The following CSMD3 variants were observed in gnomAD, a reference collection of about 807,000 sequenced individuals.
CSMD3 encodes the protein CUB and Sushi multiple domains 3.
Under a neutral mutation model 435.2 loss-of-function variants are expected in CSMD3, and 177 were observed. The ratio of observed to expected loss-of-function variants is 0.41; its 90% CI spans 0.36 to 0.46. CSMD3 has a LOEUF of 0.46. CSMD3 is among the 20% of genes least tolerant of loss of function. CSMD3 has a pLI of 0.34. For missense variants in CSMD3, 4,265 were observed against 4,504.6 expected, an observed-to-expected ratio of 0.95 and a Z score of 1.52; for synonymous variants, 1,656 against 1,520.5, an observed-to-expected ratio of 1.09 and a Z score of -2.07.
At chr8:112,809,215 T>A (rs1464257675) in intron 12 of CSMD3, among the ~76,000 whole-genome samples, 1 of 152,098 alleles carries the variant, frequency 6.6e-6, no homozygotes, top group Non-Finnish European at 1.5e-5. Context: ...CACAAAACCA[T>A]AAGGACCTGG....
rs191808167 is a variant in CSMD3, at chr8:112,313,312, G to A, written c.7696+594C>T. Reference sequence around the variant, plus strand: ...ACAAAACGCTTCCGTTTTTAAAAACGGAAGGTTTGTAAATGATGTGTTACT... The same window carrying A: ...ACAAAACGCTTCCGTTTTTAAAAACAGAAGGTTTGTAAATGATGTGTTACT... On this transcript the variant is annotated intron_variant, in intron 49 of 70. Coordinates refer to ENST00000297405, the MANE Select transcript of CSMD3 (RefSeq NM_198123.2). Among the ~76,000 whole-genome samples the A allele has an allele frequency of 1.2e-3, 176 of 152,152 alleles. 1 individual carries two copies. Among genetic ancestry groups the A allele is most frequent in the African/African-American group, 3.9e-3 (163 of 41,526 alleles).
intron 1 of CSMD3, among the ~76,000 whole-genome samples, chr8:113,356,790 T>C (rs2094232116): frequency 6.6e-6 from 1 of 152,142 alleles, no homozygotes; most frequent in Non-Finnish European, 1.5e-5. Context: ...TGAAAGCTAA[T>C]GACATCTACT....
At chr8:112,689,833 A>G (rs751878798) in intron 14 of CSMD3, 35 bp downstream of exon 14, 5 of 1,577,390 alleles carry the variant, frequency 3.2e-6, no homozygotes, top group Middle Eastern at 3.3e-4. Context: ...ACAGGGTAAC[A>G]TATGCTATCT....
chr8:112,306,474 G>A (rs982405534), intron 50 of CSMD3, among the ~76,000 whole-genome samples: 5 of 152,138 alleles, frequency 3.3e-5, no homozygotes, highest in African/African-American at 4.8e-5. Context: ...ATGGTTATCA[G>A]CATTTGTATG....
chr8:112,362,302 A>G (rs1381237519), intron 38 of CSMD3, among the ~76,000 whole-genome samples: 1 of 151,990 alleles, frequency 6.6e-6, no homozygotes, highest in Non-Finnish European at 1.5e-5. Flanking sequence ...TCTGACTATC[A>G]TCACTGATGG....
chr8:112,740,020 T>C (rs1197899241), intron 13 of CSMD3, among the ~76,000 whole-genome samples: 1 of 151,772 alleles, frequency 6.6e-6, no homozygotes, highest in Non-Finnish European at 1.5e-5. Flanking sequence ...CTAATGCTGA[T>C]ATCAATGGGC....
intron 61 of CSMD3, chr8:112,255,983 A>T (rs1293691510): frequency 6.5e-6 from 1 of 152,724 alleles, no homozygotes; most frequent in East Asian, 1.9e-4. Flanking sequence ...AGCATTTTTT[A>T]AAAGAAAAGA....
intron 4 of CSMD3, among the ~76,000 whole-genome samples, chr8:113,127,717 A>T (rs1019559037): frequency 1.2e-4 from 18 of 152,068 alleles, no homozygotes; most frequent in African/African-American, 3.4e-4. Context: ...AAAAATAAAA[A>T]TTCTAAGCAT....
At chr8:112,800,021 AT>A (rs2078924334) in intron 13 of CSMD3, 140 bp downstream of exon 13, 1 of 664,740 alleles carries the variant, frequency 1.5e-6, no homozygotes, top group Non-Finnish European at 2.7e-6. Context: ...TTGTAGTTAA[AT>A]TAAGGAGGAA....
At chr8:112,934,933 T>A (rs928126951) in intron 9 of CSMD3, among the ~76,000 whole-genome samples, 3 of 152,186 alleles carry the variant, frequency 2.0e-5, no homozygotes, top group African/African-American at 7.2e-5. Context: ...TTTCTGATTT[T>A]GTTTTTTTGC....
At chr8:113,393,759 T>C (rs1016533165) in intron 1 of CSMD3, among the ~76,000 whole-genome samples, 1 of 152,104 alleles carries the variant, frequency 6.6e-6, no homozygotes, top group Non-Finnish European at 1.5e-5. Flanking sequence ...ACATGGACAT[T>C]GGAAGGAACT....
At chr8:112,818,401 C>A (rs2132422319) in intron 12 of CSMD3, among the ~76,000 whole-genome samples, 1 of 152,142 alleles carries the variant, frequency 6.6e-6, no homozygotes, top group South Asian at 2.1e-4. Context: ...GCTATTCAAT[C>A]TTTTTAAATC....
chr8:112,558,076 T>C (rs1433399907), intron 24 of CSMD3, among the ~76,000 whole-genome samples: 1 of 151,878 alleles, frequency 6.6e-6, no homozygotes, highest in Non-Finnish European at 1.5e-5. Context: ...CTCCAAAGTA[T>C]GGCACTTTGG....
chr8:112,324,582 G>GGGGT (rs1823318423), intron 45 of CSMD3, among the ~76,000 whole-genome samples: 2 of 149,270 alleles, frequency 1.3e-5, no homozygotes, highest in African/African-American at 4.9e-5. Flanking sequence ...TGTGTGTGTG[G>GGGGT]GTGTGTGTGT....
chr8:112,648,218 G>A (rs965532260), intron 19 of CSMD3, among the ~76,000 whole-genome samples: 1 of 152,116 alleles, frequency 6.6e-6, no homozygotes, highest in Admixed American at 6.6e-5. Flanking sequence ...TTAAAGGAAA[G>A]GTCTGATCAA....
At position 112,650,307 on chromosome 8, in the gene CSMD3, G is replaced by A. The variant is rs2131633199; in HGVS notation, c.3047C>T (p.Pro1016Leu). ...NTYSCLDPGI[P>L]VHGRRYGHDF... ...ATGACCATAGCGACGGCCATGTACA[G>A]GTATGCCAGGGTCCAAACAAGAATA... Residue 1016 changes from proline to leucine, a missense_variant, in exon 19 of 71, where the codon CCT (proline) becomes CTT (leucine). Coordinates refer to ENST00000297405, the MANE Select transcript of CSMD3 (RefSeq NM_198123.2). 1 of 1,613,816 alleles carries A rather than the reference G, an allele frequency of 6.2e-7. No homozygotes were observed. Among genetic ancestry groups the A allele is most frequent in the East Asian group, 2.2e-5 (1 of 44,836 alleles).
rs138171023 is a variant in CSMD3 at position 112,849,133 on chromosome 8, A to C, written c.1755+10012T>G. ...TTAAGACTTCTACTAAGCTAGCGAG[A>C]GTTATAATCTGAAGTCAACCTCATA... On this transcript the variant is annotated intron_variant, in intron 11 of 70. Coordinates refer to ENST00000297405, the MANE Select transcript of CSMD3 (RefSeq NM_198123.2). 1.7e-3 allele frequency among the ~76,000 whole-genome samples: 255 copies of C among 152,172 alleles called. 1 individual carries two copies. The highest frequency in any genetic ancestry group is 5.9e-3 in the African/African-American group (247 of 41,554).
chr8:112,744,186 G>A (rs999796521), intron 13 of CSMD3, among the ~76,000 whole-genome samples: 1 of 152,066 alleles, frequency 6.6e-6, no homozygotes, highest in Non-Finnish European at 1.5e-5. Context: ...CTCTGTCTCT[G>A]TTATATTGAA....
chr8:112,729,109 GTTTGT>G (rs1398135799), intron 13 of CSMD3, among the ~76,000 whole-genome samples: 1 of 151,874 alleles, frequency 6.6e-6, no homozygotes, highest in Non-Finnish European at 1.5e-5. Flanking sequence ...TACTTTTTCT[GTTTGT>G]TTTAATATAT....
Sources: allele counts gnomAD v4.1 joint callset (sites outside exome capture counted in the v4.1 genomes callset), GRCh38; gene constraint gnomAD v4.1.1; transcripts MANE v1.5; gene names NCBI Gene and HGNC (gene_info 2026-07-23, HGNC 2026-07-21).